MRPL44: variants seen among roughly 807,000 people sequenced by gnomAD.
The protein encoded by MRPL44 is mitochondrial ribosomal protein L44.
In MRPL44, 21 loss-of-function variants were observed where a neutral mutation model predicts 25.9. That is an observed-to-expected ratio of 0.81 (90% CI 0.58 to 1.17). MRPL44 has a LOEUF of 1.17. MRPL44 is among the 50% of genes most tolerant of loss of function. MRPL44 has a pLI of 0.00. For missense variants in MRPL44, 410 were observed against 398.9 expected (o/e 1.03, Z -0.24); for synonymous variants, 169 against 151.0 (o/e 1.12, Z -0.87).
chr2:223,955,424 T>C (rs997044758), upstream of MRPL44, among the ~76,000 whole-genome samples: 2 of 152,228 alleles, frequency 1.3e-5, no homozygotes. Flanking sequence ...TATGAAGTAG[T>C]GGTGAGTAAT....
At chr2:223,965,899 T>C (rs1045978798) in intron 3 of MRPL44, 4 of 152,052 alleles carry the variant, frequency 2.6e-5, no homozygotes, top group Admixed American at 2.0e-4. Flanking sequence ...GGTCTCACTA[T>C]GTTGCCTAGT....
rs1216433451 is a variant in MRPL44 at position 223,967,253 on chromosome 2, G to C, written c.*219G>C. ...TCAAATCTTTTTTTTTTTCTCTTGA[G>C]ATGGAGTCTTACTCTGTCGCCCAGG... is the stretch of plus-strand genomic sequence containing the variant. On this transcript the variant is annotated 3_prime_UTR_variant, in exon 4 of 4. Transcript: ENST00000258383. The C allele has an allele frequency of 2.0e-6, 1 of 503,234 alleles. No homozygotes were observed. Among genetic ancestry groups the C allele is most frequent in the African/African-American group, 2.0e-5 (1 of 50,836 alleles). The allele number at this position is 503,234 out of a possible 1,614,324, so 31.2% of individuals were successfully genotyped here.
At position 223,964,272 on chromosome 2, in the gene MRPL44, A is replaced by G. The variant is rs1042325891; in HGVS notation, c.827+338A>G. Among the ~76,000 whole-genome samples, 3 of 152,294 alleles carry G rather than the reference A, an allele frequency of 2.0e-5. No homozygotes were observed. The East Asian group carries it at 5.8e-4, about 29-fold the overall frequency. On this transcript the variant is annotated intron_variant, in intron 3 of 3. Coordinates refer to ENST00000258383, the MANE Select transcript of MRPL44 (RefSeq NM_022915.5). ...GTTGACTTGTTCGTGTTAGAGATTC[A>G]ACCTTAATCCATTCTTGTCAGTAGC...
chr2:223,961,973 C>T (rs1689665953), intron 2 of MRPL44, among the ~76,000 whole-genome samples: 3 of 152,116 alleles, frequency 2.0e-5, no homozygotes, highest in South Asian at 4.1e-4. Flanking sequence ...TGTGTATATA[C>T]GTATCCCATA....
chr2:223,956,172 CAAG>C (rs1449014718), upstream of MRPL44, among the ~76,000 whole-genome samples: 1 of 152,212 alleles, frequency 6.6e-6, no homozygotes, highest in Non-Finnish European at 1.5e-5. Context: ...TACATTGAAA[CAAG>C]AAGGTCAATC....
intron 2 of MRPL44, among the ~76,000 whole-genome samples, chr2:223,963,416 G>A (rs1689693075): frequency 6.6e-6 from 1 of 151,728 alleles, no homozygotes; most frequent in Non-Finnish European, 1.5e-5. Context: ...TGCACCTCTA[G>A]CCTAGGCAAT....
chr2:223,957,591 G>T lies in MRPL44; in HGVS notation c.119G>T (p.Arg40Leu). The T allele has an allele frequency of 1.2e-6, 2 of 1,613,418 alleles. No individual in the cohort carries two copies. The highest frequency in any genetic ancestry group is 1.7e-6 in the Non-Finnish European group (2 of 1,179,998). The change falls in exon 1 of 4, where the codon CGC (arginine) becomes CTC (leucine). Residue 40 changes from arginine (R) to leucine (L), a missense_variant. Transcript: ENST00000258383. ...GVKKGFRAAF[R>L]FQKELERQRL... ...AAGAAGGGATTCCGCGCCGCCTTCC[G>T]CTTCCAGAAGGAGTTAGAGCGGCAG...
At chr2:223,964,078 A>C in intron 3 of MRPL44, 144 bp downstream of exon 3, 1 of 597,268 alleles carries the variant, frequency 1.7e-6, no homozygotes, top group Non-Finnish European at 2.8e-6. Flanking sequence ...TTCTAATTGC[A>C]TGAAAAGATT....
upstream of MRPL44, chr2:223,957,310 G>A (rs371626626): frequency 4.0e-5 from 32 of 798,174 alleles, no homozygotes; most frequent in Non-Finnish European, 5.4e-5. Flanking sequence ...ACCCCGCCCC[G>A]GGGCTGTCTC....
the MRPL44 span, among the ~76,000 whole-genome samples, chr2:223,951,788 G>A: frequency 6.6e-6 from 1 of 151,936 alleles, no homozygotes; most frequent in African/African-American, 2.4e-5. Context: ...CCCTTACCTT[G>A]GACCTTGATC....
At chr2:223,963,018 T>G (rs909749135) in intron 2 of MRPL44, among the ~76,000 whole-genome samples, 1 of 152,206 alleles carries the variant, frequency 6.6e-6, no homozygotes, top group Non-Finnish European at 1.5e-5. Context: ...TTAAAAACAT[T>G]ATTAATGGAG....
At chr2:223,951,017 G>A in the MRPL44 span, among the ~76,000 whole-genome samples, 1 of 152,192 alleles carries the variant, frequency 6.6e-6, no homozygotes, top group African/African-American at 2.4e-5. Flanking sequence ...AAAAAAGACT[G>A]GAGAGGAGCC....
At chr2:223,955,080 A>T (rs1026862654), upstream of MRPL44, among the ~76,000 whole-genome samples, 8 of 152,128 alleles carry the variant, frequency 5.3e-5, no homozygotes, top group African/African-American at 1.9e-4. Context: ...TATTTTCATG[A>T]ATTTTTTTCC....
intron 2 of MRPL44, 129 bp downstream of exon 2, chr2:223,960,131 G>T: frequency 1.5e-6 from 1 of 671,564 alleles, no homozygotes; most frequent in Non-Finnish European, 2.4e-6. Context: ...AGACCTAAAG[G>T]TTTTTTATGG....
intron 2 of MRPL44, among the ~76,000 whole-genome samples, chr2:223,960,508 A>T (rs1405647922): frequency 6.6e-6 from 1 of 152,240 alleles, no homozygotes; most frequent in Non-Finnish European, 1.5e-5. Flanking sequence ...ATTAACTGGG[A>T]GAAGTTTTAT....
At position 223,963,761 on chromosome 2, in the gene MRPL44, C is replaced by CT; in HGVS notation, c.656dup (p.Leu219PhefsTer12). ...AATTATATTTTTATATGCAGGACTTCTTAATTACTCAAATGACTGGAAAAG... is the reference window on the plus strand; with the variant it reads ...AATTATATTTTTATATGCAGGACTTCTTTAATTACTCAAATGACTGGAAAAG... On this transcript the variant is annotated frameshift_variant, in exon 3 of 4. Transcript: ENST00000258383. LOFTEE classifies it high-confidence loss of function. 3 of 1,584,608 alleles carry CT rather than the reference C, an allele frequency of 1.9e-6. No individual in the cohort carries two copies. The highest frequency in any genetic ancestry group is 2.6e-6 in the Non-Finnish European group (3 of 1,167,310).
intron 1 of MRPL44, among the ~76,000 whole-genome samples, chr2:223,958,419 T>G (rs16865358): frequency 0.016 from 2,493 of 152,330 alleles, 55 homozygotes; most frequent in African/African-American, 0.057. Flanking sequence ...ATCCACTTTG[T>G]ACTCCTACCA....
upstream of MRPL44, among the ~76,000 whole-genome samples, chr2:223,954,178 G>A (rs1689531422): frequency 6.6e-6 from 1 of 152,162 alleles, no homozygotes; most frequent in Non-Finnish European, 1.5e-5. Context: ...CATTCCTGAC[G>A]ACTTTGTGCA....
intron 2 of MRPL44, 25 bp downstream of exon 2, chr2:223,960,027 C>A: frequency 6.6e-7 from 1 of 1,512,708 alleles, no homozygotes; most frequent in Non-Finnish European, 9.0e-7. Flanking sequence ...ATTGGACATG[C>A]TTGAGATAGA....
Sources: allele counts gnomAD v4.1 joint callset (sites outside exome capture counted in the v4.1 genomes callset), GRCh38; gene constraint gnomAD v4.1.1; transcripts MANE v1.5; gene names NCBI Gene and HGNC (gene_info 2026-07-23, HGNC 2026-07-21).